Variants in DCC observed in about 807,000 individuals in gnomAD.
DCC encodes the protein DCC netrin 1 receptor.
In DCC, 58 loss-of-function variants were observed where a neutral mutation model predicts 172.5. That is an observed-to-expected ratio of 0.34 (90% confidence interval 0.27 to 0.42). The LOEUF is 0.42. Among genes scored for constraint, DCC ranks in the 10% least tolerant of loss-of-function variants. The probability of loss-of-function intolerance (pLI) is 1.00; values close to 1 mark genes in which losing one functional copy is unlikely to be tolerated. For synonymous variants in DCC, 709 were observed against 644.5 expected, an observed-to-expected ratio of 1.10 and a Z score of -1.52; for missense variants, 1,740 against 1,791.0, an observed-to-expected ratio of 0.97 and a Z score of 0.51.
chr18:52,952,733 T>C (rs1001263242), intron 5 of DCC, among the ~76,000 whole-genome samples: 1 of 152,102 alleles, frequency 6.6e-6, no homozygotes, highest in East Asian at 1.9e-4. Context: ...GGCATGGTTG[T>C]TCGTGCCTAT....
At chr18:52,573,515 C>T (rs981603298) in intron 1 of DCC, among the ~76,000 whole-genome samples, 6 of 152,130 alleles carry the variant, frequency 3.9e-5, no homozygotes, top group East Asian at 1.9e-4. Flanking sequence ...TACCAGATGG[C>T]CTAAAAGTGT....
chr18:53,036,470 A>G (rs73958667), intron 5 of DCC, among the ~76,000 whole-genome samples: 6,006 of 152,124 alleles, frequency 0.039, 369 homozygotes, highest in African/African-American at 0.13. Flanking sequence ...TTTATGAGCC[A>G]CACCTATGTA....
intron 7 of DCC, among the ~76,000 whole-genome samples, chr18:53,156,749 T>C (rs1382910702): frequency 1.3e-5 from 2 of 152,182 alleles, no homozygotes; most frequent in Non-Finnish European, 2.9e-5. Context: ...GATTTATATT[T>C]AGTATATCTT....
intron 1 of DCC, among the ~76,000 whole-genome samples, chr18:52,625,773 T>C (rs373991681): frequency 6.6e-6 from 1 of 152,292 alleles, no homozygotes; most frequent in East Asian, 1.9e-4. Context: ...GATTTTCACC[T>C]CCATCACTTC....
chr18:53,315,551 A>G (rs930743954), intron 13 of DCC, among the ~76,000 whole-genome samples: 6 of 152,250 alleles, frequency 3.9e-5, no homozygotes, highest in African/African-American at 1.4e-4. Flanking sequence ...GTCTTCCACA[A>G]TGGTTGAACT....
chr18:53,128,796 A>G (rs1184700256), intron 7 of DCC, among the ~76,000 whole-genome samples: 2 of 145,124 alleles, frequency 1.4e-5, no homozygotes, highest in African/African-American at 5.1e-5. Flanking sequence ...ACTTACTTTT[A>G]ATATTTGCCT....
chr18:53,192,779 G>A (rs1483005237), intron 9 of DCC, among the ~76,000 whole-genome samples: 1 of 152,138 alleles, frequency 6.6e-6, no homozygotes, highest in Non-Finnish European at 1.5e-5. Flanking sequence ...ACAGTGAACT[G>A]CCTCAAAGCC....
chr18:52,707,947 G>T (rs979494729), intron 1 of DCC, among the ~76,000 whole-genome samples: 1 of 152,104 alleles, frequency 6.6e-6, no homozygotes, highest in Admixed American at 6.6e-5. Flanking sequence ...TGTACATATG[G>T]TGTCTATAGT....
At chr18:53,518,264 A>G (rs2046361207) in intron 27 of DCC, among the ~76,000 whole-genome samples, 1 of 152,158 alleles carries the variant, frequency 6.6e-6, no homozygotes, top group Non-Finnish European at 1.5e-5. Flanking sequence ...TTAAGGGTAA[A>G]GGAATGGAAA....
At chr18:52,394,541 C>T (rs752495018) in intron 1 of DCC, among the ~76,000 whole-genome samples, 1 of 151,540 alleles carries the variant, frequency 6.6e-6, no homozygotes, top group Non-Finnish European at 1.5e-5. Flanking sequence ...CCTCCCAAAT[C>T]GCTGAGATTA....
At chr18:53,038,098 A>G (rs1375593522) in intron 5 of DCC, among the ~76,000 whole-genome samples, 1 of 151,958 alleles carries the variant, frequency 6.6e-6, no homozygotes, top group East Asian at 1.9e-4. Context: ...CTTTTGATTT[A>G]TTCATGTATT....
intron 2 of DCC, among the ~76,000 whole-genome samples, chr18:52,803,757 C>T (rs1414468894): frequency 2.6e-5 from 4 of 152,142 alleles, no homozygotes; most frequent in African/African-American, 4.8e-5. Flanking sequence ...TATAATTTGC[C>T]TTAGAGAAAC....
chr18:52,553,494 G>C (rs2032831760), intron 1 of DCC, among the ~76,000 whole-genome samples: 1 of 151,992 alleles, frequency 6.6e-6, no homozygotes, highest in Non-Finnish European at 1.5e-5. Context: ...AAAGAGAATG[G>C]ATCAATGAAC....
At chr18:53,193,238 G>C (rs2055392068) in intron 9 of DCC, among the ~76,000 whole-genome samples, 1 of 151,976 alleles carries the variant, frequency 6.6e-6, no homozygotes, top group East Asian at 1.9e-4. Context: ...TTTAAGGCCT[G>C]GCATGGACCT....
intron 1 of DCC, among the ~76,000 whole-genome samples, chr18:52,434,420 A>G (rs1987723123): frequency 1.3e-5 from 2 of 152,214 alleles, no homozygotes; most frequent in African/African-American, 4.8e-5. Context: ...CAAAAATGTC[A>G]ATAATGCCCA....
intron 2 of DCC, among the ~76,000 whole-genome samples, chr18:52,797,616 G>C (rs1406836541): frequency 1.3e-5 from 2 of 152,206 alleles, no homozygotes; most frequent in Non-Finnish European, 2.9e-5. Context: ...AGCTGGGTTA[G>C]TTCTTGTGCA....
Position 52,938,455 on chromosome 18 carries a change from T to C in DCC, c.985+13085T>C, listed in dbSNP as rs143017552. Among the ~76,000 whole-genome samples, 219 of 152,240 alleles carry C rather than the reference T, an allele frequency of 1.4e-3. 1 individual carries two copies. The highest frequency in any genetic ancestry group is 5.0e-3 in the African/African-American group (207 of 41,550). On this transcript the variant is annotated intron_variant, in intron 5 of 28. Transcript: ENST00000442544. ...GAACATGTGAAGCATTCTAGAAATA[T>C]ACACTATTATTATTTAAGAAAAATA...
At chr18:52,877,234 C>T (rs2039417107) in intron 2 of DCC, among the ~76,000 whole-genome samples, 1 of 152,116 alleles carries the variant, frequency 6.6e-6, no homozygotes, top group Non-Finnish European at 1.5e-5. Flanking sequence ...GCATCTATGG[C>T]TTCCACTTAC....
chr18:53,176,018 A>G (rs1264889779), intron 8 of DCC, among the ~76,000 whole-genome samples: 2 of 151,028 alleles, frequency 1.3e-5, no homozygotes, highest in Admixed American at 1.3e-4. Context: ...CTCAGAAATA[A>G]CGTCGCATAT....
Sources: allele counts gnomAD v4.1 joint callset (sites outside exome capture counted in the v4.1 genomes callset), GRCh38; gene constraint gnomAD v4.1.1; transcripts MANE v1.5; gene names NCBI Gene and HGNC (gene_info 2026-07-23, HGNC 2026-07-21).